Variants in HORMAD2 observed in about 807,000 individuals in gnomAD.
The protein encoded by HORMAD2 is HORMA domain containing 2, also known as HORMA domain-containing protein 2.
Under a neutral mutation model 38.8 loss-of-function variants are expected in HORMAD2, and 45 were observed. That is an observed-to-expected ratio of 1.16 (90% CI 0.91 to 1.49). The LOEUF is 1.49. HORMAD2 is among the 40% of genes most tolerant of loss of function. The pLI is 0.00. For synonymous variants in HORMAD2, 126 were observed against 122.8 expected, an observed-to-expected ratio of 1.03 and a Z score of -0.17; for missense variants, 338 against 367.0, an observed-to-expected ratio of 0.92 and a Z score of 0.65.
intron 7 of HORMAD2, among the ~76,000 whole-genome samples, chr22:30,116,637 G>C (rs1922063420): frequency 6.6e-6 from 1 of 152,172 alleles, no homozygotes; most frequent in Non-Finnish European, 1.5e-5. Flanking sequence ...AATAGTGCCT[G>C]CTGTAAATAT....
chr22:30,150,725 G>A (rs746166953), intron 10 of HORMAD2, among the ~76,000 whole-genome samples: 3 of 152,130 alleles, frequency 2.0e-5, no homozygotes, highest in African/African-American at 7.2e-5. Context: ...CAGCATGCAG[G>A]CTAGCCAACA....
chr22:30,116,145 G>A (rs1172658871), intron 7 of HORMAD2, among the ~76,000 whole-genome samples: 1 of 152,068 alleles, frequency 6.6e-6, no homozygotes, highest in Admixed American at 6.6e-5. Context: ...CTGTGCAAAG[G>A]CCCTAAGACA....
upstream of HORMAD2, chr22:30,080,136 G>A (rs1230415067): frequency 1.3e-5 from 2 of 152,298 alleles, no homozygotes; most frequent in Non-Finnish European, 2.9e-5. Context: ...ACCTCGGCGG[G>A]GCAGGCACCT....
Position 30,176,525 on chromosome 22 carries a change from A to G in HORMAD2, c.*358A>G. On this transcript the variant is annotated 3_prime_UTR_variant, in exon 11 of 11. Transcript: ENST00000336726. ...TTTTGCATAATTAAACTCTTCAGCT[A>G]TTTAGACTACTGTGAAATGTTTTGA... 1 of 203,104 alleles carries G rather than the reference A, an allele frequency of 4.9e-6. No homozygotes were observed. The highest frequency in any genetic ancestry group is 1.0e-5 in the Non-Finnish European group (1 of 98,488). The allele number at this position is 203,104 out of a possible 1,614,324, so 12.6% of individuals were successfully genotyped here. A position where few individuals can be genotyped will look rare whatever the true frequency, so the allele number is the denominator to read the frequency against.
intron 5 of HORMAD2, among the ~76,000 whole-genome samples, chr22:30,105,922 G>A (rs868544419): frequency 3.3e-5 from 5 of 152,168 alleles, no homozygotes; most frequent in Admixed American, 2.0e-4. Context: ...TCCGAACGTT[G>A]CTTCCAGGAG....
At chr22:30,193,290 T>C in the HORMAD2 span, among the ~76,000 whole-genome samples, 1 of 152,310 alleles carries the variant, frequency 6.6e-6, no homozygotes, top group East Asian at 1.9e-4. Context: ...TGTTCTTTAA[T>C]TCAACAAGTC....
intron 10 of HORMAD2, among the ~76,000 whole-genome samples, chr22:30,170,580 C>T (rs1020972696): frequency 1.3e-5 from 2 of 152,086 alleles, no homozygotes; most frequent in Non-Finnish European, 1.5e-5. Flanking sequence ...AATAAAGGGA[C>T]ATTTCCTACC....
chr22:30,164,333 T>G (rs2084020285), intron 10 of HORMAD2, among the ~76,000 whole-genome samples: 1 of 152,226 alleles, frequency 6.6e-6, no homozygotes, highest in Non-Finnish European at 1.5e-5. Context: ...AATTGCTGGA[T>G]AATATGGTAA....
At chr22:30,200,382 A>G in the HORMAD2 span, among the ~76,000 whole-genome samples, 1 of 152,122 alleles carries the variant, frequency 6.6e-6, no homozygotes, top group Non-Finnish European at 1.5e-5. Context: ...TCTAAGTAAA[A>G]TTGTGTAGTG....
chr22:30,121,670 A>G lies in HORMAD2; in HGVS notation c.449A>G (p.Asn150Ser), dbSNP rs1157131647. ...SSTSFESGTN[N>S]EDIKKASVLL... is the part of the protein sequence containing the mutation. ...ACAAGCTTTGAAAGTGGAACAAACA[A>G]TGAAGATATTAAGAAAGCCAGTGTT... The change falls in exon 9 of 11, where the codon AAT (asparagine) becomes AGT (serine). Residue 150 changes from asparagine to serine, a missense_variant. Transcript: ENST00000336726. 2 of 1,604,288 alleles carry G rather than the reference A, an allele frequency of 1.2e-6. No homozygotes were observed. Among genetic ancestry groups the G allele is most frequent in the African/African-American group, 1.3e-5 (1 of 74,758 alleles).
chr22:30,190,540 G>A, the HORMAD2 span, among the ~76,000 whole-genome samples: 1 of 152,228 alleles, frequency 6.6e-6, no homozygotes, highest in Non-Finnish European at 1.5e-5. Context: ...CCCCTGCTAA[G>A]GGGGTGACAG....
At chr22:30,196,819 C>A in the HORMAD2 span, among the ~76,000 whole-genome samples, 3,120 of 152,310 alleles carry the variant, frequency 0.02, 56 homozygotes, top group East Asian at 0.062. Context: ...GTATAAATCC[C>A]ATAACAACAG....
upstream of HORMAD2, among the ~76,000 whole-genome samples, chr22:30,079,499 CTTTCT>C (rs1347072152): frequency 6.6e-6 from 1 of 152,038 alleles, no homozygotes; most frequent in Non-Finnish European, 1.5e-5. Context: ...TGTCTTTTTT[CTTTCT>C]TTTCTTTTTT....
At chr22:30,126,841 A>T (rs1311950542) in intron 10 of HORMAD2, among the ~76,000 whole-genome samples, 1 of 152,198 alleles carries the variant, frequency 6.6e-6, no homozygotes, top group Admixed American at 6.5e-5. Flanking sequence ...CATCCTCACT[A>T]ACCCTTGGCG....
intron 10 of HORMAD2, among the ~76,000 whole-genome samples, chr22:30,129,267 G>GAA (rs1923114658): frequency 1.1e-5 from 1 of 92,262 alleles, no homozygotes; most frequent in Non-Finnish European, 2.3e-5. Context: ...GAGAGAGAGA[G>GAA]AATAAATAAT....
intron 10 of HORMAD2, among the ~76,000 whole-genome samples, chr22:30,140,221 G>T (rs747408304): frequency 6.6e-6 from 1 of 152,036 alleles, no homozygotes; most frequent in Non-Finnish European, 1.5e-5. Flanking sequence ...CTGAGATAGC[G>T]CCAGTGCACT....
intron 4 of HORMAD2, 116 bp downstream of exon 4, chr22:30,103,616 C>A: frequency 2.6e-6 from 1 of 382,102 alleles, no homozygotes. Flanking sequence ...TTCTTTTCTA[C>A]TTTCCCTCTT....
At chr22:30,092,291 A>G (rs1356219966) in intron 1 of HORMAD2, among the ~76,000 whole-genome samples, 1 of 146,130 alleles carries the variant, frequency 6.8e-6, no homozygotes, top group Non-Finnish European at 1.5e-5. Flanking sequence ...TTTTTCATAT[A>G]CTTATTAGCC....
At chr22:30,134,966 A>G (rs572516334) in intron 10 of HORMAD2, among the ~76,000 whole-genome samples, 1 of 152,246 alleles carries the variant, frequency 6.6e-6, no homozygotes, top group African/African-American at 2.4e-5. Context: ...TCCCAACAAC[A>G]ACTTTGCGTG....
Sources: gnomAD v4.1 joint callset for allele counts (sites outside exome capture counted in the v4.1 genomes callset) on GRCh38, gnomAD v4.1.1 for gene constraint, MANE v1.5 for transcripts, NCBI Gene and HGNC (gene_info 2026-07-23, HGNC 2026-07-21) for gene names.